The following RANBP2 variants were observed in gnomAD, a reference collection of about 807,000 sequenced individuals.
RANBP2 encodes E3 SUMO-protein ligase RanBP2.
Under a neutral mutation model 303.6 loss-of-function variants are expected in RANBP2, and 57 were observed. The ratio of observed to expected loss-of-function variants is 0.19; its 90% CI spans 0.15 to 0.23. The LOEUF (loss-of-function observed/expected upper bound fraction) is 0.23, where lower values mean the gene tolerates loss of function less well. Ranked by LOEUF, RANBP2 falls within the 10% of genes least tolerant of loss-of-function variation. The pLI, the probability that RANBP2 is intolerant of heterozygous loss-of-function variation, is 1.00. For synonymous variants in RANBP2, 1,167 were observed against 1,301.5 expected, an observed-to-expected ratio of 0.90 and a Z score of 2.23; for missense variants, 3,138 against 3,780.8, an observed-to-expected ratio of 0.83 and a Z score of 4.46.
At chr2:108,772,842 TTGC>T in intron 22 of RANBP2, 23 bp from the exon 23 acceptor site, 1 of 1,610,890 alleles carries the variant, frequency 6.2e-7, no homozygotes, top group Non-Finnish European at 8.5e-7. Flanking sequence ...CTAATTTCGT[TTGC>T]TTGTGTTGTA....
the RANBP2 span, among the ~76,000 whole-genome samples, chr2:109,464,404 TACAC>T: frequency 7.9e-4 from 121 of 152,240 alleles, 1 homozygote; most frequent in Middle Eastern, 3.4e-3. Flanking sequence ...ATAACAAAAA[TACAC>T]ATACAAACAT....
the RANBP2 span, among the ~76,000 whole-genome samples, chr2:109,444,099 A>G: frequency 6.6e-6 from 1 of 152,214 alleles, no homozygotes; most frequent in Non-Finnish European, 1.5e-5. Flanking sequence ...ATAATAACAA[A>G]TATTTGATAT....
chr2:109,641,319 T>G, the RANBP2 span, among the ~76,000 whole-genome samples: 1 of 152,112 alleles, frequency 6.6e-6, no homozygotes, highest in African/African-American at 2.4e-5. Flanking sequence ...AGCATTATTA[T>G]TCGCAGTAAC....
the RANBP2 span, among the ~76,000 whole-genome samples, chr2:109,423,623 G>A: frequency 6.6e-6 from 1 of 152,196 alleles, no homozygotes; most frequent in Non-Finnish European, 1.5e-5. Flanking sequence ...GCCAGGCTTG[G>A]AACGAAGGCC....
the RANBP2 span, among the ~76,000 whole-genome samples, chr2:109,333,126 C>T: frequency 6.6e-6 from 1 of 152,238 alleles, no homozygotes; most frequent in African/African-American, 2.4e-5. Context: ...CAGTTTCCAG[C>T]CCTAGCTCAA....
At chr2:109,157,786 G>T in the RANBP2 span, among the ~76,000 whole-genome samples, 1 of 152,166 alleles carries the variant, frequency 6.6e-6, no homozygotes, top group South Asian at 2.1e-4. Context: ...TCATCCAGAG[G>T]GTAAAAGGAC....
At chr2:109,353,575 C>T in the RANBP2 span, among the ~76,000 whole-genome samples, 2 of 152,092 alleles carry the variant, frequency 1.3e-5, no homozygotes, top group Non-Finnish European at 2.9e-5. Context: ...GTGGGGTGCC[C>T]TGTGTCACCT....
At chr2:109,262,427 A>G in the RANBP2 span, among the ~76,000 whole-genome samples, 1 of 152,064 alleles carries the variant, frequency 6.6e-6, no homozygotes, top group Non-Finnish European at 1.5e-5. Context: ...TGCCCTGGGA[A>G]CCTCTCATGG....
chr2:109,156,096 C>T, the RANBP2 span, among the ~76,000 whole-genome samples: 11 of 152,238 alleles, frequency 7.2e-5, no homozygotes, highest in Non-Finnish European at 4.4e-5. Context: ...TGCCACTTTG[C>T]AGGATGCTGC....
chr2:109,633,810 T>C, the RANBP2 span, among the ~76,000 whole-genome samples: 1 of 152,108 alleles, frequency 6.6e-6, no homozygotes, highest in Non-Finnish European at 1.5e-5. Context: ...ATTCCAGGAC[T>C]GTCACAGATG....
At chr2:108,892,062 C>T in the RANBP2 span, among the ~76,000 whole-genome samples, 4 of 152,208 alleles carry the variant, frequency 2.6e-5, no homozygotes, top group African/African-American at 9.6e-5. Flanking sequence ...CCATTGGTGG[C>T]CAGGATAAGG....
the RANBP2 span, among the ~76,000 whole-genome samples, chr2:108,832,982 T>C: frequency 6.6e-6 from 1 of 152,208 alleles, no homozygotes; most frequent in Non-Finnish European, 1.5e-5. Context: ...TGGAGACACC[T>C]TAAATGCACA....
At chr2:109,642,503 A>T in the RANBP2 span, among the ~76,000 whole-genome samples, 1 of 152,106 alleles carries the variant, frequency 6.6e-6, no homozygotes, top group African/African-American at 2.4e-5. Flanking sequence ...TAATCCCAGC[A>T]CTTTGGGAGG....
At chr2:109,270,510 G>A in the RANBP2 span, among the ~76,000 whole-genome samples, 1 of 152,198 alleles carries the variant, frequency 6.6e-6, no homozygotes, top group Non-Finnish European at 1.5e-5. Flanking sequence ...GTGGACAGGA[G>A]GGTGAGTAGA....
the RANBP2 span, among the ~76,000 whole-genome samples, chr2:109,077,915 A>C: frequency 6.7e-6 from 1 of 148,372 alleles, no homozygotes; most frequent in African/African-American, 2.4e-5. Context: ...CTTAAAAAAT[A>C]AAAAATAAAA....
At chr2:108,836,070 C>T in the RANBP2 span, among the ~76,000 whole-genome samples, 1 of 152,166 alleles carries the variant, frequency 6.6e-6, no homozygotes, top group Admixed American at 6.6e-5. Context: ...TAGATCCTCA[C>T]CTCTCAACAC....
chr2:108,740,444 A>G, intron 6 of RANBP2, 45 bp from the exon 7 acceptor site: 2 of 1,596,880 alleles, frequency 1.3e-6, no homozygotes, highest in East Asian at 2.2e-5. Flanking sequence ...GATTATTCAC[A>G]GTGCAGTAAG....
At chr2:109,370,190 G>GGTCTCTGTCTCT in the RANBP2 span, among the ~76,000 whole-genome samples, 1,743 of 147,326 alleles carry the variant, frequency 0.012, 53 homozygotes, top group Admixed American at 0.057. Flanking sequence ...TTGCTGTGGT[G>GGTCTCTGTCTCT]GTCTCTGTCT....
chr2:109,115,200 T>C, the RANBP2 span, among the ~76,000 whole-genome samples: 1 of 152,194 alleles, frequency 6.6e-6, no homozygotes, highest in Non-Finnish European at 1.5e-5. Context: ...ACTTTCTGTC[T>C]CGTTGATCTG....
Sources: gnomAD v4.1 joint callset for allele counts (sites outside exome capture counted in the v4.1 genomes callset) on GRCh38, gnomAD v4.1.1 for gene constraint, MANE v1.5 for transcripts, NCBI Gene and HGNC (gene_info 2026-07-23, HGNC 2026-07-21) for gene names.